The following FUT9 variants were observed in gnomAD, a reference collection of about 807,000 sequenced individuals.
FUT9 encodes the protein fucosyltransferase 9, also known as 4-galactosyl-N-acetylglucosaminide 3-alpha-L-fucosyltransferase 9.
A neutral mutation model predicts 29.7 loss-of-function variants in FUT9; 15 were observed. The observed-to-expected ratio is 0.51, with a 90% CI of 0.34 to 0.78. The LOEUF is 0.78. Among genes scored for constraint, FUT9 ranks in the 30% least tolerant of loss-of-function variants. The pLI is 0.01. For synonymous variants in FUT9, 169 were observed against 153.7 expected (o/e 1.10, Z -0.74); for missense variants, 319 against 425.4 (o/e 0.75, Z 2.20).
intron 2 of FUT9, among the ~76,000 whole-genome samples, chr6:96,116,027 G>C (rs1771904871): frequency 6.6e-6 from 1 of 151,788 alleles, no homozygotes; most frequent in South Asian, 2.1e-4. Context: ...GAAAATATAG[G>C]CATCAGACTT....
At chr6:96,048,895 C>T (rs1770614267) in intron 1 of FUT9, among the ~76,000 whole-genome samples, 1 of 152,128 alleles carries the variant, frequency 6.6e-6, no homozygotes. Context: ...AGCTTGTCTG[C>T]ATTTGAATCC....
At chr6:96,110,072 T>G (rs9390860) in intron 1 of FUT9, among the ~76,000 whole-genome samples, 3 of 152,146 alleles carry the variant, frequency 2.0e-5, no homozygotes, top group African/African-American at 7.2e-5. Flanking sequence ...CTTCAACTCA[T>G]ACATGACCTC....
At chr6:96,137,479 G>T (rs1448083723) in intron 2 of FUT9, among the ~76,000 whole-genome samples, 2 of 152,004 alleles carry the variant, frequency 1.3e-5, no homozygotes, top group Non-Finnish European at 2.9e-5. Context: ...ATTGTGAGCT[G>T]CACATAATAA....
chr6:96,200,860 G>A (rs185571537), intron 2 of FUT9, among the ~76,000 whole-genome samples: 85 of 152,060 alleles, frequency 5.6e-4, no homozygotes, highest in Non-Finnish European at 8.5e-4. Context: ...TTATACTTAG[G>A]ATCAAATGCA....
rs537870924 is a variant in FUT9 at position 96,054,420 on chromosome 6, A to G, written c.-98+38208A>G. Among the ~76,000 whole-genome samples, 5 of 152,330 alleles carry G rather than the reference A, an allele frequency of 3.3e-5. 1 individual carries two copies. The South Asian group carries it at 1.0e-3, about 32-fold the overall frequency. On this transcript the variant is annotated intron_variant, in intron 1 of 2. Transcript: ENST00000302103. ...ATAGAATTCATTTATTCACTCATTC[A>G]TGTATTTAAGTCAGCAATTTTTGAG...
intron 2 of FUT9, among the ~76,000 whole-genome samples, chr6:96,198,203 C>G (rs1398069051): frequency 2.0e-5 from 3 of 151,698 alleles, no homozygotes; most frequent in Non-Finnish European, 4.4e-5. Flanking sequence ...TGCCATGCTG[C>G]TGCGCTGCAC....
At chr6:96,075,771 A>G (rs147486800) in intron 1 of FUT9, among the ~76,000 whole-genome samples, 1,758 of 152,268 alleles carry the variant, frequency 0.012, 15 homozygotes, top group Non-Finnish European at 0.019. Flanking sequence ...TTTTATGTCA[A>G]CTTAAGTTCA....
rs548717484 is a variant in FUT9, at chr6:96,031,297, C to T, written c.-98+15085C>T. Among the ~76,000 whole-genome samples, 10 of 151,656 alleles carry T rather than the reference C, an allele frequency of 6.6e-5. No individual in the cohort carries two copies. In the East Asian group the frequency reaches 1.9e-3, roughly 29 times the overall value. The stretch of plus-strand genomic sequence containing the variant: ...TGCATTATTCCAAAGTATTGACACA[C>T]ATCTATATTAATGAAATCTTTATTA... On this transcript the variant is annotated intron_variant, in intron 1 of 2. Coordinates refer to ENST00000302103, the MANE Select transcript of FUT9 (RefSeq NM_006581.4).
chr6:96,031,966 C>A (rs1770270057), intron 1 of FUT9, among the ~76,000 whole-genome samples: 2 of 151,540 alleles, frequency 1.3e-5, no homozygotes, highest in Admixed American at 6.6e-5. Context: ...TGGCCTATGG[C>A]TTTCCAGTTT....
chr6:96,137,037 T>C (rs1315431412), intron 2 of FUT9, among the ~76,000 whole-genome samples: 1 of 152,020 alleles, frequency 6.6e-6, no homozygotes, highest in Non-Finnish European at 1.5e-5. Context: ...TTGTCTTCCA[T>C]ATACATATCA....
In FUT9 at chr6:96,207,392, A is replaced by C. The variant is rs2127992671; in HGVS notation, c.*3157A>C. The C allele has an allele frequency of 6.0e-6, 1 of 167,116 alleles. No homozygotes were observed. The highest frequency in any genetic ancestry group is 2.1e-4 in the South Asian group (1 of 4,828). The allele number at this position is 167,116 out of a possible 1,614,324, so 10.4% of individuals were successfully genotyped here. ...ATGTGAATGTCTTATTGGTATTTTT[A>C]GGGCCTATAGAATGGTACACCTCAT... On this transcript the variant is annotated 3_prime_UTR_variant, in exon 3 of 3. Transcript: ENST00000302103.
chr6:96,191,136 A>C (rs948836238), intron 2 of FUT9, among the ~76,000 whole-genome samples: 1 of 152,024 alleles, frequency 6.6e-6, no homozygotes, highest in Admixed American at 6.6e-5. Context: ...CCTCAGCTGC[A>C]TGTGTGTTGG....
intron 2 of FUT9, among the ~76,000 whole-genome samples, chr6:96,176,632 C>T (rs377207330): frequency 3.3e-5 from 5 of 152,252 alleles, no homozygotes; most frequent in African/African-American, 1.2e-4. Context: ...ATATTCTCTC[C>T]TTTCACCTAT....
chr6:96,177,321 C>T (rs1384377752), intron 2 of FUT9, among the ~76,000 whole-genome samples: 1 of 151,932 alleles, frequency 6.6e-6, no homozygotes, highest in African/African-American at 2.4e-5. Context: ...AAATAGATGA[C>T]AAGCCAGCTA....
intron 2 of FUT9, among the ~76,000 whole-genome samples, chr6:96,172,529 C>T (rs1031072585): frequency 6.6e-6 from 1 of 151,968 alleles, no homozygotes; most frequent in Non-Finnish European, 1.5e-5. Flanking sequence ...TACTTGACCC[C>T]TGTAAATTTT....
rs1370810914 is a variant in FUT9 at position 96,211,298 on chromosome 6, T to C, written c.*7063T>C. 2 of 166,822 alleles carry C rather than the reference T, an allele frequency of 1.2e-5. No individual in the cohort carries two copies. Among genetic ancestry groups the C allele is most frequent in the Non-Finnish European group, 2.9e-5 (2 of 67,976 alleles). 10.3% of individuals were successfully genotyped at this position (166,822 alleles called of 1,614,324 possible). A position where few individuals can be genotyped will look rare whatever the true frequency, so the allele number is the denominator to read the frequency against. On this transcript the variant is annotated 3_prime_UTR_variant, in exon 3 of 3. Transcript: ENST00000302103. ...CAGTCCTAATTTTCTCTCCCTGTTATGAGCAATCAGTAAATTTGTAGTCAA... is the reference window on the plus strand; with the variant it reads ...CAGTCCTAATTTTCTCTCCCTGTTACGAGCAATCAGTAAATTTGTAGTCAA...
chr6:96,100,357 C>A (rs1019483037), intron 1 of FUT9, among the ~76,000 whole-genome samples: 10 of 151,834 alleles, frequency 6.6e-5, no homozygotes, highest in African/African-American at 2.4e-4. Flanking sequence ...ATCTCACAAT[C>A]TAATGAGAAA....
chr6:96,172,355 G>A (rs1036129377), intron 2 of FUT9, among the ~76,000 whole-genome samples: 3 of 152,104 alleles, frequency 2.0e-5, no homozygotes, highest in Non-Finnish European at 4.4e-5. Context: ...ATTTTTGTTG[G>A]AAACATTGAC....
chr6:96,178,501 A>C (rs921835162), intron 2 of FUT9, among the ~76,000 whole-genome samples: 2 of 152,190 alleles, frequency 1.3e-5, no homozygotes, highest in African/African-American at 4.8e-5. Context: ...ATGTTCATAA[A>C]GATACCTCCC....
Sources: allele counts gnomAD v4.1 joint callset (sites outside exome capture counted in the v4.1 genomes callset), GRCh38; gene constraint gnomAD v4.1.1; transcripts MANE v1.5; gene names NCBI Gene and HGNC (gene_info 2026-07-23, HGNC 2026-07-21).